The following PDE10A variants were observed in gnomAD, a reference collection of about 807,000 sequenced individuals.
The protein encoded by PDE10A is cAMP and cAMP-inhibited cGMP 3',5'-cyclic phosphodiesterase 10A.
Under a neutral mutation model 97.7 loss-of-function variants are expected in PDE10A, and 39 were observed. That is an observed-to-expected ratio of 0.40 (90% CI 0.31 to 0.52). PDE10A has a LOEUF of 0.52. PDE10A is among the 20% of genes least tolerant of loss of function. The pLI is 0.56. For synonymous variants in PDE10A, 371 were observed against 376.8 expected (o/e 0.98, Z 0.18); for missense variants, 731 against 1,047.8 (o/e 0.70, Z 4.17).
Position 165,582,897 on chromosome 6 carries a change from A to T in PDE10A, c.866-39329T>A, listed in dbSNP as rs116965352. On this transcript the variant is annotated intron_variant, in intron 1 of 21. Transcript: ENST00000539869. Reference sequence around the variant, plus strand: ...AGATTTCTCCCCAAGAAAACACACAAGTATGTTTTCCTGTGTGTCTTACCA... The same window carrying T: ...AGATTTCTCCCCAAGAAAACACACATGTATGTTTTCCTGTGTGTCTTACCA... Among the ~76,000 whole-genome samples, 32 of 152,322 alleles carry T rather than the reference A, an allele frequency of 2.1e-4. No homozygotes were observed. In the East Asian group the frequency reaches 5.8e-3, roughly 28 times the overall value.
At chr6:165,809,927 C>T (rs769698378) in intron 1 of PDE10A, among the ~76,000 whole-genome samples, 1 of 152,168 alleles carries the variant, frequency 6.6e-6, no homozygotes, top group Non-Finnish European at 1.5e-5. Flanking sequence ...ACCTGACTAT[C>T]TTTCCTTGTA....
At chr6:165,652,656 G>A (rs1378672050) in intron 1 of PDE10A, among the ~76,000 whole-genome samples, 1 of 152,084 alleles carries the variant, frequency 6.6e-6, no homozygotes, top group Non-Finnish European at 1.5e-5. Flanking sequence ...CTGCAACTCT[G>A]CAGTTACCTG....
intron 3 of PDE10A, among the ~76,000 whole-genome samples, chr6:165,455,967 T>C (rs1367189518): frequency 6.6e-6 from 1 of 152,242 alleles, no homozygotes; most frequent in African/African-American, 2.4e-5. Flanking sequence ...TCATGAACAC[T>C]TGAAATTCTA....
chr6:165,578,459 T>C (rs965864518), intron 1 of PDE10A, among the ~76,000 whole-genome samples: 18 of 152,296 alleles, frequency 1.2e-4, no homozygotes, highest in Non-Finnish European at 4.4e-5. Flanking sequence ...CAACAGTCTG[T>C]TTCAGATTTT....
chr6:165,516,363 C>T (rs1056342494), intron 2 of PDE10A, among the ~76,000 whole-genome samples: 1 of 152,182 alleles, frequency 6.6e-6, no homozygotes, highest in South Asian at 2.1e-4. Context: ...CATGCTTCCT[C>T]CCTAAATCCC....
intron 2 of PDE10A, among the ~76,000 whole-genome samples, chr6:165,539,656 G>A (rs1040399594): frequency 1.3e-5 from 2 of 152,252 alleles, no homozygotes; most frequent in Non-Finnish European, 2.9e-5. Context: ...GAGCAGTGCC[G>A]CATGGCTGCA....
In PDE10A at chr6:165,464,049, C is replaced by T. The variant is rs373412249; in HGVS notation, c.1024-13687G>A. ...ATAAATATGTGGGTAAATCTCTGTTCGGGGATCTCAGCTCTGAAGGCTGTG... is the reference window on the plus strand; with the variant it reads ...ATAAATATGTGGGTAAATCTCTGTTTGGGGATCTCAGCTCTGAAGGCTGTG... On this transcript the variant is annotated intron_variant, in intron 3 of 21. Transcript: ENST00000539869. 1.4e-4 allele frequency among the ~76,000 whole-genome samples: 21 copies of T among 152,250 alleles called. No homozygotes were observed. The East Asian group carries it at 1.7e-3, about 13-fold the overall frequency.
intron 1 of PDE10A, among the ~76,000 whole-genome samples, chr6:165,974,367 G>A (rs768911858): frequency 9.2e-5 from 14 of 152,202 alleles, no homozygotes; most frequent in South Asian, 2.1e-4. Flanking sequence ...CAATCCTCAT[G>A]CACCAGGGGG....
intron 1 of PDE10A, among the ~76,000 whole-genome samples, chr6:165,567,829 C>T (rs1041502497): frequency 6.6e-6 from 1 of 151,964 alleles, no homozygotes; most frequent in African/African-American, 2.4e-5. Flanking sequence ...ATCTAAAGCT[C>T]TATTATATTA....
At chr6:165,724,541 C>T (rs1792245163) in intron 1 of PDE10A, among the ~76,000 whole-genome samples, 1 of 152,206 alleles carries the variant, frequency 6.6e-6, no homozygotes, top group Non-Finnish European at 1.5e-5. Context: ...TTTTGATATC[C>T]TCGTGGGCTT....
rs1482848435 is a variant in PDE10A, at chr6:165,433,084, T to C, written c.1381A>G (p.Ile461Val). ...RGTGLESGTR[I>V]QSVLCLPIVT... ...ATTGGTAAGCAAAGAACAGACTGGA[T>C]ACGAGTCCCTGATTCCAGTCCAGTA... Residue 461 changes from isoleucine to valine, a missense_variant, in exon 7 of 22, where the codon ATC becomes GTC. Ile to Val is a conservative substitution (Grantham distance 29). Transcript: ENST00000539869. 3.1e-6 allele frequency: 5 copies of C among 1,612,692 alleles called. No homozygotes were observed. Among genetic ancestry groups the C allele is most frequent in the Non-Finnish European group, 4.2e-6 (5 of 1,178,752 alleles).
intron 1 of PDE10A, among the ~76,000 whole-genome samples, chr6:165,852,707 C>CTGTA (rs1187518591): frequency 6.6e-6 from 1 of 152,204 alleles, no homozygotes; most frequent in African/African-American, 2.4e-5. Context: ...CATTACTTCA[C>CTGTA]TGTACAATGA....
At chr6:165,548,276 C>CTTTTTT (rs57134252) in intron 1 of PDE10A, among the ~76,000 whole-genome samples, 2 of 105,664 alleles carry the variant, frequency 1.9e-5, no homozygotes, top group African/African-American at 3.7e-5. Context: ...CTTTAAATCT[C>CTTTTTT]TTTTTTTTTT....
intron 1 of PDE10A, among the ~76,000 whole-genome samples, chr6:165,763,555 T>C (rs1009495633): frequency 3.3e-5 from 5 of 152,188 alleles, no homozygotes; most frequent in Non-Finnish European, 7.3e-5. Flanking sequence ...ACTCCTGACC[T>C]CAGGTGATCC....
rs539778771 is a variant in PDE10A at position 165,936,789 on chromosome 6, G to A, written c.-615+50740C>T. On this transcript the variant is annotated intron_variant, in intron 1 of 19. Coordinates refer to the PDE10A transcript ENST00000366882. Reference sequence around the variant, plus strand: ...GGAGAATGAGTAGAGACTTACTGGGGAGCCTCATTGTTCCCCAATATTCTC... The same window carrying A: ...GGAGAATGAGTAGAGACTTACTGGGAAGCCTCATTGTTCCCCAATATTCTC... Among the ~76,000 whole-genome samples, 4 of 152,288 alleles carry A rather than the reference G, an allele frequency of 2.6e-5. No individual in the cohort carries two copies. The East Asian group carries it at 7.7e-4, about 29-fold the overall frequency.
intron 1 of PDE10A, among the ~76,000 whole-genome samples, chr6:165,884,146 G>A (rs883298): frequency 0.65 from 98,431 of 152,002 alleles, 32,281 homozygotes; most frequent in East Asian, 0.91. Context: ...CACAGGAATC[G>A]GGGACCGAAG....
At chr6:165,633,007 C>G (rs764810085) in intron 1 of PDE10A, among the ~76,000 whole-genome samples, 2 of 151,220 alleles carry the variant, frequency 1.3e-5, no homozygotes, top group Non-Finnish European at 2.9e-5. Context: ...ACTCAATATG[C>G]TGGAAGAGAT....
At chr6:165,369,745 T>G (rs1384742788) in intron 18 of PDE10A, among the ~76,000 whole-genome samples, 1 of 142,776 alleles carries the variant, frequency 7.0e-6, no homozygotes, top group African/African-American at 2.7e-5. Context: ...AAGATACTCC[T>G]CGAGAAGAGC....
intron 1 of PDE10A, among the ~76,000 whole-genome samples, chr6:165,749,348 C>A (rs1792931218): frequency 6.8e-6 from 1 of 147,222 alleles, no homozygotes; most frequent in Admixed American, 6.8e-5. Context: ...TCACCACCAC[C>A]ATTATCACCA....
Sources: gnomAD v4.1 joint callset for allele counts (sites outside exome capture counted in the v4.1 genomes callset) on GRCh38, gnomAD v4.1.1 for gene constraint, MANE v1.5 for transcripts, NCBI Gene and HGNC (gene_info 2026-07-23, HGNC 2026-07-21) for gene names.